The following BPTF variants were observed in gnomAD, a reference collection of about 807,000 sequenced individuals.
BPTF encodes the protein bromodomain PHD finger transcription factor, also known as nucleosome-remodeling factor subunit BPTF.
In BPTF, 18 loss-of-function variants were observed where a neutral mutation model predicts 292.5. The ratio of observed to expected loss-of-function variants is 0.06; its 90% CI spans 0.04 to 0.09. BPTF has a LOEUF of 0.09. Among genes scored for constraint, BPTF ranks in the 10% least tolerant of loss-of-function variants. The pLI, the probability that BPTF is intolerant of heterozygous loss-of-function variation, is 1.00. For synonymous variants in BPTF, 1,225 were observed against 1,251.9 expected (o/e 0.98, Z 0.45); for missense variants, 2,726 against 3,498.7 (o/e 0.78, Z 5.57).
chr17:67,981,736 G>A (rs1398213375), intron 27 of BPTF: 1 of 983,802 alleles, frequency 1.0e-6, no homozygotes, highest in Non-Finnish European at 1.2e-6. Flanking sequence ...ACTAATGAAA[G>A]TTGTGAATAA....
chr17:67,847,348 C>A (rs2058094316), intron 1 of BPTF, among the ~76,000 whole-genome samples: 1 of 151,916 alleles, frequency 6.6e-6, no homozygotes, highest in Admixed American at 6.6e-5. Flanking sequence ...AACCCCATCT[C>A]TACTAAAAAT....
chr17:67,873,178 C>T (rs1303575349), intron 3 of BPTF, among the ~76,000 whole-genome samples: 1 of 152,090 alleles, frequency 6.6e-6, no homozygotes, highest in Admixed American at 6.5e-5. Flanking sequence ...TTTCTTATGG[C>T]CCGGTGCAGT....
chr17:67,846,740 G>T (rs780448462), intron 1 of BPTF, among the ~76,000 whole-genome samples: 8 of 152,062 alleles, frequency 5.3e-5, no homozygotes, highest in Non-Finnish European at 1.2e-4. Flanking sequence ...GGTCCCTGTC[G>T]CCTAGGGTGG....
rs1555674046 is a variant in BPTF at position 67,945,475 on chromosome 17, C to T, written c.6767C>T (p.Pro2256Leu). ...CAGGTACATCAAGACAAAACCCTGC[C>T]ACCAGCTCAGTCATCAAGTGTGGGT... is the stretch of plus-strand genomic sequence containing the variant. ...QMQVHQDKTLPPAQSSSVGPA... is the reference protein window; with the variant it reads ...QMQVHQDKTLLPAQSSSVGPA... Residue 2256 changes from proline (P) to leucine (L), a missense_variant, in exon 21 of 28, where the codon CCA (proline) becomes CTA (leucine). By Grantham distance (98) the Pro-to-Leu change is moderately conservative (BLOSUM62 -3). This residue lies in a region of BPTF where 570 missense variants were observed against 633.5 expected (regional missense o/e 0.90). Transcript: ENST00000306378. 12 of 1,614,080 alleles carry T rather than the reference C, an allele frequency of 7.4e-6. No individual in the cohort carries two copies. The highest frequency in any genetic ancestry group is 5.5e-5 in the South Asian group (5 of 91,084).
In BPTF at chr17:67,911,810, A is replaced by G; in HGVS notation, c.3926A>G (p.Gln1309Arg). 6.2e-7 allele frequency: 1 copy of G among 1,614,230 alleles called. No homozygotes were observed. Among genetic ancestry groups the G allele is most frequent in the Non-Finnish European group, 8.5e-7 (1 of 1,180,032 alleles). The part of the protein sequence containing the change: ...QDSSEEDMIV[Q>R]NSNESISEQF... ...AGCAGTGAAGAAGATATGATTGTTC[A>G]GAATAGCAATGAAAGCATTTCTGAA... is the stretch of plus-strand genomic sequence containing the variant. The change falls in exon 11 of 28, where the codon CAG becomes CGG. Residue 1309 changes from glutamine to arginine, a missense_variant. By Grantham distance (43) the Gln-to-Arg change is conservative. This residue lies in a region of BPTF where 713 missense variants were observed against 714.9 expected (regional missense o/e 1.00). Transcript: ENST00000306378.
Position 67,950,072 on chromosome 17 carries a change from A to AG in BPTF, c.7926+1766_7926+1767insG, listed in dbSNP as rs71142112. Among the ~76,000 whole-genome samples, 2 of 149,338 alleles carry AG rather than the reference A, an allele frequency of 1.3e-5. 1 individual carries two copies. The highest frequency in any genetic ancestry group is 3.9e-4 in the East Asian group (2 of 5,142). ...GTCTCAAAAAAAAAAAAAAAAAAAA[A>AG]CATTTCATAACATATCTTAAACATT... On this transcript the variant is annotated intron_variant, in intron 23 of 27. Coordinates refer to ENST00000306378, the MANE Select transcript of BPTF (RefSeq NM_182641.4).
At chr17:67,901,029 G>C (rs965410473) in intron 7 of BPTF, among the ~76,000 whole-genome samples, 1 of 150,756 alleles carries the variant, frequency 6.6e-6, no homozygotes, top group African/African-American at 2.4e-5. Context: ...TAAAAAAAAA[G>C]AAAAGAAAAA....
intron 26 of BPTF, chr17:67,974,320 T>G (rs1208480470): frequency 4.0e-5 from 6 of 151,856 alleles, no homozygotes; most frequent in African/African-American, 1.5e-4. Flanking sequence ...TTTCCTGTGC[T>G]CTCACGCTAC....
At chr17:67,861,821 A>G (rs2059099644) in intron 2 of BPTF, among the ~76,000 whole-genome samples, 1 of 151,962 alleles carries the variant, frequency 6.6e-6, no homozygotes, top group Non-Finnish European at 1.5e-5. Context: ...GCACCTAAAA[A>G]CCTGTTGGCT....
intron 13 of BPTF, among the ~76,000 whole-genome samples, chr17:67,920,791 A>G (rs1020853758): frequency 1.3e-5 from 2 of 152,216 alleles, no homozygotes; most frequent in Non-Finnish European, 2.9e-5. Flanking sequence ...TACTTAGAAA[A>G]TTCATGAGAA....
intron 1 of BPTF, among the ~76,000 whole-genome samples, chr17:67,838,734 C>T (rs1292971240): frequency 6.6e-6 from 1 of 152,164 alleles, no homozygotes; most frequent in Admixed American, 6.5e-5. Flanking sequence ...CCTTGGCTTC[C>T]CAAACTGTTG....
intron 1 of BPTF, among the ~76,000 whole-genome samples, chr17:67,851,452 G>A (rs1202935904): frequency 6.6e-6 from 1 of 152,104 alleles, no homozygotes; most frequent in African/African-American, 2.4e-5. Context: ...TCCTCCACAT[G>A]CGTATGCATA....
intron 18 of BPTF, among the ~76,000 whole-genome samples, chr17:67,940,196 G>T (rs556574064): frequency 1.5e-4 from 23 of 152,194 alleles, no homozygotes; most frequent in African/African-American, 2.6e-4. Context: ...ATTTTAATTG[G>T]TTTTTTCCAT....
chr17:67,835,337 T>C (rs1330410469), intron 1 of BPTF, among the ~76,000 whole-genome samples: 1 of 152,238 alleles, frequency 6.6e-6, no homozygotes, highest in Non-Finnish European at 1.5e-5. Flanking sequence ...TTGGGGCATT[T>C]CATATCATTG....
At chr17:67,957,727 A>C (rs1273387503) in intron 23 of BPTF, among the ~76,000 whole-genome samples, 1 of 152,206 alleles carries the variant, frequency 6.6e-6, no homozygotes, top group Non-Finnish European at 1.5e-5. Context: ...TGGGCATGGT[A>C]GTGAGCACCT....
chr17:67,875,622 C>G (rs776959241), intron 4 of BPTF: 2 of 1,599,712 alleles, frequency 1.3e-6, no homozygotes, highest in East Asian at 2.3e-5. Flanking sequence ...ACAACAAATG[C>G]AACTTCAGAA....
rs752361872 is a variant in BPTF at position 67,907,358 on chromosome 17, C to CT, written c.2813-2209dup. On this transcript the variant is annotated intron_variant, in intron 9 of 27. Coordinates refer to ENST00000306378, the MANE Select transcript of BPTF (RefSeq NM_182641.4). ...CTTCAACAATTATCAAAGTTTATCA[C>CT]TTTTTTTTTTTTTTTGAGATGGAGT... is the stretch of plus-strand genomic sequence containing the variant. Among the ~76,000 whole-genome samples the CT allele has an allele frequency of 4.6e-3, 615 of 135,102 alleles. 1 individual carries two copies. Among genetic ancestry groups the CT allele is most frequent in the African/African-American group, 0.011 (411 of 36,856 alleles). 88.6% of individuals were successfully genotyped at this position (135,102 alleles called of 152,430 possible).
intron 18 of BPTF, among the ~76,000 whole-genome samples, chr17:67,934,536 G>T (rs923752305): frequency 6.7e-6 from 1 of 149,510 alleles, no homozygotes; most frequent in Non-Finnish European, 1.5e-5. Context: ...AAAAAGAAAA[G>T]AAAAAGATAT....
At chr17:67,839,187 T>TAAAAAAAAAAAAAAAA (rs1567870364) in intron 1 of BPTF, among the ~76,000 whole-genome samples, 1 of 151,408 alleles carries the variant, frequency 6.6e-6, no homozygotes, top group African/African-American at 2.5e-5. Flanking sequence ...AAAGCAATGT[T>TAAAAAAAAAAAAAAAA]AAATGTTAGT....
Sources: allele counts gnomAD v4.1 joint callset (sites outside exome capture counted in the v4.1 genomes callset), GRCh38; gene constraint gnomAD v4.1.1; regional missense constraint gnomAD v4.1.1; transcripts MANE v1.5; gene names NCBI Gene and HGNC (gene_info 2026-07-23, HGNC 2026-07-21).